Variants in SNTG1 observed in about 807,000 individuals in gnomAD.
SNTG1 encodes syntrophin gamma 1, also known as gamma-1-syntrophin.
A neutral mutation model predicts 74.7 loss-of-function variants in SNTG1; 39 were observed. The ratio of observed to expected loss-of-function variants is 0.52; its 90% CI spans 0.40 to 0.68. SNTG1 has a LOEUF of 0.68. SNTG1 is among the 30% of genes least tolerant of loss of function. The pLI is 0.00. For synonymous variants in SNTG1, 254 were observed against 217.1 expected (o/e 1.17, Z -1.49); for missense variants, 685 against 609.5 (o/e 1.12, Z -1.30).
chr8:50,521,644 G>T (rs919935343), intron 9 of SNTG1, among the ~76,000 whole-genome samples: 1 of 152,058 alleles, frequency 6.6e-6, no homozygotes, highest in Non-Finnish European at 1.5e-5. Flanking sequence ...CTTCTTGGGG[G>T]ATTTTACCCA....
intron 15 of SNTG1, among the ~76,000 whole-genome samples, chr8:50,666,861 T>C (rs913927187): frequency 9.2e-5 from 14 of 152,036 alleles, no homozygotes; most frequent in Admixed American, 9.2e-4. Flanking sequence ...CTTCAATAAA[T>C]AATGTGTCAA....
intron 15 of SNTG1, among the ~76,000 whole-genome samples, chr8:50,658,997 ATGT>A (rs5891380): frequency 0.55 from 83,901 of 151,416 alleles, 25,446 homozygotes; most frequent in Non-Finnish European, 0.68. Context: ...GGTTGTTACC[ATGT>A]TTTTTTTTTT....
intron 17 of SNTG1, among the ~76,000 whole-genome samples, chr8:50,725,784 G>T (rs181657943): frequency 1.8e-4 from 28 of 152,286 alleles, no homozygotes; most frequent in East Asian, 9.7e-4. Context: ...AGTTTTATCA[G>T]CAAGTACCAT....
At chr8:50,553,262 CTGTT>C in intron 12 of SNTG1, 83 bp downstream of exon 12, 2 of 1,516,294 alleles carry the variant, frequency 1.3e-6, no homozygotes, top group Non-Finnish European at 1.8e-6. Context: ...TTCACATCAA[CTGTT>C]TGGTGTTCTT....
intron 2 of SNTG1, among the ~76,000 whole-genome samples, chr8:50,202,901 T>G (rs2084044668): frequency 6.6e-6 from 1 of 151,964 alleles, no homozygotes; most frequent in African/African-American, 2.4e-5. Context: ...TGTTTTTTTG[T>G]TTTGAGTAGC....
At chr8:50,705,167 A>C (rs2095439244) in intron 16 of SNTG1, among the ~76,000 whole-genome samples, 1 of 152,140 alleles carries the variant, frequency 6.6e-6, no homozygotes, top group Non-Finnish European at 1.5e-5. Context: ...AAAGCCACAC[A>C]GAGTTTTTGA....
chr8:50,631,396 T>C (rs576537992), intron 13 of SNTG1, among the ~76,000 whole-genome samples: 2 of 152,354 alleles, frequency 1.3e-5, no homozygotes, highest in African/African-American at 4.8e-5. Context: ...TATTACATTA[T>C]ATTATAGAGA....
intron 1 of SNTG1, among the ~76,000 whole-genome samples, chr8:50,013,489 AG>A (rs1816020595): frequency 6.6e-6 from 1 of 151,880 alleles, no homozygotes; most frequent in Non-Finnish European, 1.5e-5. Context: ...ATAGATAGAT[AG>A]ATAGATAGAT....
chr8:49,994,317 C>G (rs1312068801), intron 1 of SNTG1, among the ~76,000 whole-genome samples: 1 of 149,426 alleles, frequency 6.7e-6, no homozygotes, highest in Admixed American at 6.7e-5. Context: ...GTGCAATGGC[C>G]CAATCTCGGC....
chr8:50,111,413 T>TTCTC (rs56179974), intron 1 of SNTG1, among the ~76,000 whole-genome samples: 1 of 151,160 alleles, frequency 6.6e-6, no homozygotes, highest in African/African-American at 2.4e-5. Context: ...CTCTGTCTCT[T>TTCTC]TCTCTCTCTC....
intron 1 of SNTG1, among the ~76,000 whole-genome samples, chr8:50,010,245 A>C (rs1430411628): frequency 6.6e-6 from 1 of 152,150 alleles, no homozygotes; most frequent in Non-Finnish European, 1.5e-5. Context: ...GGCAGTATTC[A>C]AGGTGTATTA....
intron 13 of SNTG1, among the ~76,000 whole-genome samples, chr8:50,623,718 A>G (rs911318003): frequency 5.3e-5 from 8 of 152,062 alleles, no homozygotes; most frequent in African/African-American, 1.9e-4. Flanking sequence ...TTTTAAAATC[A>G]ATGTTTTTAT....
intron 8 of SNTG1, among the ~76,000 whole-genome samples, chr8:50,495,951 C>T (rs984802595): frequency 6.6e-6 from 1 of 152,110 alleles, no homozygotes; most frequent in Non-Finnish European, 1.5e-5. Flanking sequence ...CTGTAAAAAG[C>T]CAAGTTCTTA....
intron 2 of SNTG1, among the ~76,000 whole-genome samples, chr8:50,348,094 A>C (rs1188794755): frequency 1.3e-5 from 2 of 152,222 alleles, no homozygotes; most frequent in Admixed American, 1.3e-4. Context: ...TCTCCCCAAA[A>C]GCCAACTGAG....
chr8:50,258,742 A>G (rs2087004504), intron 2 of SNTG1, among the ~76,000 whole-genome samples: 1 of 152,170 alleles, frequency 6.6e-6, no homozygotes, highest in Non-Finnish European at 1.5e-5. Context: ...TCTGAATAAC[A>G]CAGGAAAAAA....
intron 1 of SNTG1, among the ~76,000 whole-genome samples, chr8:49,962,373 G>T (rs565924669): frequency 1.9e-4 from 29 of 151,650 alleles, no homozygotes; most frequent in Middle Eastern, 3.4e-3. Context: ...GGCACAATGT[G>T]TTATTTTGAG....
chr8:50,287,654 G>T (rs942708414), intron 2 of SNTG1, among the ~76,000 whole-genome samples: 1 of 152,052 alleles, frequency 6.6e-6, no homozygotes, highest in Non-Finnish European at 1.5e-5. Flanking sequence ...TACCCAACCT[G>T]TCTTCCTGCT....
chr8:50,263,774 G>A (rs946477960), intron 2 of SNTG1, among the ~76,000 whole-genome samples: 8 of 152,076 alleles, frequency 5.3e-5, no homozygotes, highest in Non-Finnish European at 8.8e-5. Context: ...CTTCAATACA[G>A]GTAGAGCAAG....
intron 2 of SNTG1, among the ~76,000 whole-genome samples, chr8:50,368,830 T>C (rs2092193268): frequency 6.6e-6 from 1 of 152,170 alleles, no homozygotes; most frequent in Admixed American, 6.5e-5. Flanking sequence ...TTCATGGGAA[T>C]CATCACTTCC....
Sources: allele counts gnomAD v4.1 joint callset (sites outside exome capture counted in the v4.1 genomes callset), GRCh38; gene constraint gnomAD v4.1.1; transcripts MANE v1.5; gene names NCBI Gene and HGNC (gene_info 2026-07-23, HGNC 2026-07-21).